The following VOPP1 variants were observed in gnomAD, a reference collection of about 807,000 sequenced individuals.
VOPP1 encodes the protein WW domain binding protein VOPP1.
Under a neutral mutation model 23.5 loss-of-function variants are expected in VOPP1, and 8 were observed. That is an observed-to-expected ratio of 0.34 (90% CI 0.20 to 0.61). The LOEUF is 0.61. VOPP1 is among the 20% of genes least tolerant of loss of function. VOPP1 has a pLI of 0.78. For synonymous variants in VOPP1, 83 were observed against 97.3 expected (o/e 0.85, Z 0.86); for missense variants, 174 against 238.1 (o/e 0.73, Z 1.77).
chr7:55,438,153 C>T (rs183554333), intron 4 of VOPP1, among the ~76,000 whole-genome samples: 2 of 152,110 alleles, frequency 1.3e-5, no homozygotes, highest in East Asian at 1.9e-4. Flanking sequence ...CCTCGGCCCC[C>T]CAAAGTGCTG....
At chr7:55,537,700 G>A in intron 1 of VOPP1, 5 of 1,446,450 alleles carry the variant, frequency 3.5e-6, no homozygotes, top group Non-Finnish European at 4.5e-6. Flanking sequence ...CATCTACCAT[G>A]GAGGACGCTA....
In VOPP1 at chr7:55,473,025, G is replaced by A; in HGVS notation, c.349C>T (p.Pro117Ser). Residue 117 changes from proline (P) to serine (S), a missense_variant, in exon 5 of 5, where the codon CCC becomes TCC. Pro to Ser is a moderately conservative substitution (Grantham distance 74, BLOSUM62 -1). Transcript: ENST00000285279. ...GGTCCTCCTGGGTCGGTGTAATAGGGCGGCCCCGGCTGCTGGGCTCCTGAA... is the reference window on the plus strand; with the variant it reads ...GGTCCTCCTGGGTCGGTGTAATAGGACGGCCCCGGCTGCTGGGCTCCTGAA... Reference protein sequence around the residue: ...PGPGAQQPGPPYYTDPGGPGM... With the variant: ...PGPGAQQPGPSYYTDPGGPGM... 1.3e-6 allele frequency: 2 copies of A among 1,598,206 alleles called. No individual in the cohort carries two copies. The highest frequency in any genetic ancestry group is 8.5e-7 in the Non-Finnish European group (1 of 1,173,896).
In VOPP1 at chr7:55,497,564, G is replaced by A. The variant is rs774138253; in HGVS notation, c.191+49C>T. 1.9e-4 allele frequency: 264 copies of A among 1,415,640 alleles called. 12 individuals carry two copies. The East Asian group carries it at 6.0e-3, about 32-fold the overall frequency. 87.7% of individuals were successfully genotyped at this position (1,415,640 alleles called of 1,614,324 possible). On this transcript the variant is annotated intron_variant, in intron 3 of 4. Transcript: ENST00000285279. ...CTGTGACAACACTGATGGGGGGGGG[G>A]GGGGGGCAGAGCTCTCGGGGTAGGG...
intron 1 of VOPP1, among the ~76,000 whole-genome samples, chr7:55,546,205 T>G (rs148931349): frequency 1.4e-4 from 21 of 152,354 alleles, no homozygotes; most frequent in African/African-American, 4.8e-4. Context: ...GACTCAGTCA[T>G]GAGGAGGGCA....
Position 55,513,025 on chromosome 7 carries a change from G to A in VOPP1, c.113+8047C>T, listed in dbSNP as rs557614605. Among the ~76,000 whole-genome samples, 9 of 152,368 alleles carry A rather than the reference G, an allele frequency of 5.9e-5. No individual in the cohort carries two copies. The South Asian group carries it at 1.4e-3, about 25-fold the overall frequency. ...CTCACAGCATTAATTATTCACAGCA[G>A]AGAAATGAACCCAGAGGCAGCCAAC... On this transcript the variant is annotated intron_variant, in intron 2 of 4. Transcript: ENST00000285279.
intron 1 of VOPP1, among the ~76,000 whole-genome samples, chr7:55,552,330 C>T (rs1797644157): frequency 6.6e-6 from 1 of 152,238 alleles, no homozygotes; most frequent in Non-Finnish European, 1.5e-5. Flanking sequence ...TCCCAAGAAG[C>T]TCAGACTATC....
chr7:55,564,831 C>A (rs4948036), intron 1 of VOPP1, among the ~76,000 whole-genome samples: 92,765 of 151,886 alleles, frequency 0.61, 30,323 homozygotes, highest in Non-Finnish European at 0.72. Flanking sequence ...TTTCTCTTTA[C>A]AGGTGTATGT....
intron 4 of VOPP1, among the ~76,000 whole-genome samples, chr7:55,445,230 GACAC>G (rs1215755419): frequency 1.7e-4 from 22 of 132,970 alleles, no homozygotes; most frequent in Admixed American, 9.2e-4. Context: ...CACACACACA[GACAC>G]ACACACACAG....
At position 55,564,243 on chromosome 7, in the gene VOPP1, G is replaced by GTCTCTCTCTCTCTCTCTCTCTCTC. The variant is rs71561947; in HGVS notation, c.54+8004_54+8027dup. 3.9e-3 allele frequency among the ~76,000 whole-genome samples: 488 copies of GTCTCTCTCTCTCTCTCTCTCTCTC among 125,924 alleles called. 10 individuals carry two copies. The highest frequency in any genetic ancestry group is 7.1e-3 in the African/African-American group (222 of 31,344). The allele number at this position is 125,924 out of a possible 152,430, so 82.6% of individuals were successfully genotyped here. ...CAACACACTCTTTCTCTCTGTCTCT[G>GTCTCTCTCTCTCTCTCTCTCTCTC]TCTCTCTCTCTCTCTCTCTCTCTCG... On this transcript the variant is annotated intron_variant, in intron 1 of 4. Transcript: ENST00000285279.
chr7:55,566,938 T>C (rs1798182119), intron 1 of VOPP1, among the ~76,000 whole-genome samples: 1 of 152,194 alleles, frequency 6.6e-6, no homozygotes, highest in Admixed American at 6.5e-5. Flanking sequence ...CATTGTGATA[T>C]TTCTGAAAAG....
At chr7:55,468,583 G>A (rs553997681), downstream of VOPP1, among the ~76,000 whole-genome samples, 29 of 152,368 alleles carry the variant, frequency 1.9e-4, no homozygotes, top group Middle Eastern at 6.8e-3. Context: ...TTGTCTGGAT[G>A]AGCGACTGGA....
chr7:55,561,628 C>T (rs920318339), intron 1 of VOPP1, among the ~76,000 whole-genome samples: 1 of 138,700 alleles, frequency 7.2e-6, no homozygotes, highest in Non-Finnish European at 1.5e-5. Flanking sequence ...GAGGGGGAGG[C>T]GGAGGTTGCA....
intron 1 of VOPP1, among the ~76,000 whole-genome samples, chr7:55,568,503 G>T (rs1438431890): frequency 6.6e-6 from 1 of 152,174 alleles, no homozygotes; most frequent in Admixed American, 6.5e-5. Context: ...ATAATGAGTA[G>T]TCCCTTAACT....
chr7:55,487,688 C>G (rs1230212224), intron 4 of VOPP1, among the ~76,000 whole-genome samples: 1 of 152,242 alleles, frequency 6.6e-6, no homozygotes, highest in African/African-American at 2.4e-5. Context: ...CCTTGATGGT[C>G]TTGCCGTACC....
chr7:55,450,759 G>A (rs1259373308), intron 4 of VOPP1, among the ~76,000 whole-genome samples: 5 of 152,230 alleles, frequency 3.3e-5, no homozygotes. Flanking sequence ...ACAAAAACAT[G>A]AAGGATTGTC....
chr7:55,503,318 C>T (rs541834603), intron 2 of VOPP1, among the ~76,000 whole-genome samples: 2 of 152,174 alleles, frequency 1.3e-5, no homozygotes, highest in East Asian at 1.9e-4. Flanking sequence ...AACAGGTGGT[C>T]GCTGTGGGAG....
chr7:55,512,151 G>A (rs986887498), intron 2 of VOPP1, among the ~76,000 whole-genome samples: 1 of 152,234 alleles, frequency 6.6e-6, no homozygotes, highest in Non-Finnish European at 1.5e-5. Context: ...GCTCAGCTGG[G>A]AGCAGTGGCT....
chr7:55,523,514 A>C (rs147110259), intron 1 of VOPP1, among the ~76,000 whole-genome samples: 1,670 of 152,292 alleles, frequency 0.011, 11 homozygotes, highest in Middle Eastern at 0.02. Flanking sequence ...CATTCTCGGC[A>C]AGCCTGGCTG....
At chr7:55,534,962 G>C (rs920445011) in intron 1 of VOPP1, among the ~76,000 whole-genome samples, 1 of 152,212 alleles carries the variant, frequency 6.6e-6, no homozygotes, top group Non-Finnish European at 1.5e-5. Flanking sequence ...AAAGCCAGGG[G>C]GTGAGCTTGC....
Sources: allele counts gnomAD v4.1 joint callset (sites outside exome capture counted in the v4.1 genomes callset), GRCh38; gene constraint gnomAD v4.1.1; transcripts MANE v1.5; gene names NCBI Gene and HGNC (gene_info 2026-07-23, HGNC 2026-07-21).